Variants in LRMDA observed in about 807,000 individuals in gnomAD.
The protein encoded by LRMDA is leucine rich melanocyte differentiation associated.
A neutral mutation model predicts 29.8 loss-of-function variants in LRMDA; 18 were observed. That is an observed-to-expected ratio of 0.60 (90% CI 0.42 to 0.90). The LOEUF (loss-of-function observed/expected upper bound fraction) is 0.90, where lower values mean the gene tolerates loss of function less well. LRMDA is among the 40% of genes least tolerant of loss of function. The pLI, the probability that LRMDA is intolerant of heterozygous loss-of-function variation, is 0.00. For missense variants in LRMDA, 273 were observed against 273.9 expected (o/e 1.00, Z 0.02); for synonymous variants, 125 against 109.4 (o/e 1.14, Z -0.89).
intron 6 of LRMDA, among the ~76,000 whole-genome samples, chr10:76,408,855 C>T (rs544936021): frequency 6.6e-6 from 1 of 152,256 alleles, no homozygotes; most frequent in Admixed American, 6.5e-5. Context: ...GGTTTGCATA[C>T]TCCCCTCATG....
At chr10:75,901,870 G>A (rs527965170) in intron 2 of LRMDA, among the ~76,000 whole-genome samples, 29 of 152,158 alleles carry the variant, frequency 1.9e-4, no homozygotes, top group African/African-American at 6.5e-4. Context: ...TTTTCACGTG[G>A]TCTTTTTCTT....
chr10:75,677,261 T>C (rs1441683154), intron 2 of LRMDA, among the ~76,000 whole-genome samples: 1 of 152,184 alleles, frequency 6.6e-6, no homozygotes, highest in Non-Finnish European at 1.5e-5. Context: ...TATTCTTGGT[T>C]TGGAGATATC....
intron 6 of LRMDA, among the ~76,000 whole-genome samples, chr10:76,359,474 G>T (rs1219677531): frequency 6.6e-6 from 1 of 152,180 alleles, no homozygotes; most frequent in East Asian, 1.9e-4. Flanking sequence ...TGGATAGATA[G>T]TACACTAGAT....
intron 6 of LRMDA, among the ~76,000 whole-genome samples, chr10:76,437,191 G>A (rs1842254002): frequency 6.6e-6 from 1 of 152,204 alleles, no homozygotes; most frequent in Admixed American, 6.5e-5. Context: ...TGGACACAGC[G>A]ATGGATCCAG....
intron 2 of LRMDA, among the ~76,000 whole-genome samples, chr10:75,855,840 G>C (rs1019511205): frequency 6.6e-6 from 1 of 152,274 alleles, no homozygotes; most frequent in Non-Finnish European, 1.5e-5. Context: ...CCCATTCCTT[G>C]TTTTTGTCAG....
At chr10:75,949,844 C>T (rs1846542557) in intron 2 of LRMDA, among the ~76,000 whole-genome samples, 2 of 152,082 alleles carry the variant, frequency 1.3e-5, no homozygotes, top group South Asian at 4.2e-4. Flanking sequence ...TTCTTCTGCC[C>T]CAAGGAAAAT....
At chr10:76,274,673 T>A (rs572681396) in intron 5 of LRMDA, among the ~76,000 whole-genome samples, 1 of 152,210 alleles carries the variant, frequency 6.6e-6, no homozygotes, top group Admixed American at 6.5e-5. Flanking sequence ...AAAAAAAGAA[T>A]GATGGAACAT....
chr10:75,504,327 C>T (rs1302613384), intron 2 of LRMDA, among the ~76,000 whole-genome samples: 1 of 152,024 alleles, frequency 6.6e-6, no homozygotes, highest in Admixed American at 6.6e-5. Context: ...ATGCATTATG[C>T]TGGGTGCTAG....
At chr10:75,578,642 T>C (rs573790081) in intron 2 of LRMDA, among the ~76,000 whole-genome samples, 1 of 152,146 alleles carries the variant, frequency 6.6e-6, no homozygotes, top group East Asian at 1.9e-4. Flanking sequence ...TACCACATAA[T>C]TGGAAGTAAA....
intron 2 of LRMDA, among the ~76,000 whole-genome samples, chr10:75,600,975 C>G (rs1316310738): frequency 2.6e-5 from 4 of 152,230 alleles, no homozygotes; most frequent in Non-Finnish European, 5.9e-5. Flanking sequence ...TGAGCCAAGG[C>G]TGCTTTCCCT....
At chr10:76,257,794 T>A (rs2132304929) in intron 5 of LRMDA, among the ~76,000 whole-genome samples, 1 of 152,330 alleles carries the variant, frequency 6.6e-6, no homozygotes, top group Non-Finnish European at 1.5e-5. Flanking sequence ...AAGGTCACAG[T>A]CCTGTGGGTT....
chr10:75,456,394 A>G (rs192413918), intron 2 of LRMDA, among the ~76,000 whole-genome samples: 159 of 152,328 alleles, frequency 1.0e-3, no homozygotes, highest in Non-Finnish European at 2.2e-3. Flanking sequence ...CATCTTTCAG[A>G]AATTGCATTT....
chr10:76,018,610 C>T (rs1266696269), intron 2 of LRMDA, among the ~76,000 whole-genome samples: 2 of 148,782 alleles, frequency 1.3e-5, no homozygotes, highest in Non-Finnish European at 3.0e-5. Flanking sequence ...ACTCTGTCAC[C>T]AGGCTGGAGT....
At chr10:76,482,088 C>T (rs1842738195) in intron 6 of LRMDA, among the ~76,000 whole-genome samples, 1 of 151,900 alleles carries the variant, frequency 6.6e-6, no homozygotes. Flanking sequence ...TATTTTCCTT[C>T]TTGGTTCATA....
intron 6 of LRMDA, among the ~76,000 whole-genome samples, chr10:76,360,103 C>T (rs762655554): frequency 7.9e-5 from 12 of 152,120 alleles, no homozygotes; most frequent in Non-Finnish European, 1.6e-4. Context: ...ATTCTCCTGC[C>T]TCAGCCTCCT....
intron 2 of LRMDA, among the ~76,000 whole-genome samples, chr10:75,796,360 A>G (rs1843653705): frequency 6.6e-6 from 1 of 152,140 alleles, no homozygotes; most frequent in African/African-American, 2.4e-5. Flanking sequence ...AAGTTCCCTT[A>G]TATTCCTAGT....
chr10:75,846,125 A>G (rs1037074198), intron 2 of LRMDA, among the ~76,000 whole-genome samples: 2 of 150,952 alleles, frequency 1.3e-5, no homozygotes, highest in African/African-American at 2.4e-5. Flanking sequence ...GAAGTAATGC[A>G]TTTACTTCTT....
In LRMDA at chr10:76,431,430, G is replaced by A. The variant is rs373582886; in HGVS notation, c.601+106945G>A. Among the ~76,000 whole-genome samples the A allele has an allele frequency of 5.1e-4, 77 of 152,274 alleles. 1 individual carries two copies. Among genetic ancestry groups the A allele is most frequent in the African/African-American group, 1.8e-3 (73 of 41,564 alleles). ...GACAGTGTTAAAAGCACAGACTTCA[G>A]AGTTAGACTGCATAAGTTCAAATCA... On this transcript the variant is annotated intron_variant, in intron 6 of 6. Transcript: ENST00000611255.
At chr10:75,703,094 A>G (rs536946282) in intron 2 of LRMDA, among the ~76,000 whole-genome samples, 3 of 152,170 alleles carry the variant, frequency 2.0e-5, no homozygotes, top group Non-Finnish European at 4.4e-5. Flanking sequence ...TTGGATGTAA[A>G]CTCATTTTTC....
Sources: allele counts gnomAD v4.1 joint callset (sites outside exome capture counted in the v4.1 genomes callset), GRCh38; gene constraint gnomAD v4.1.1; transcripts MANE v1.5; gene names NCBI Gene and HGNC (gene_info 2026-07-23, HGNC 2026-07-21).